The following PPP3CA variants were observed in gnomAD, a reference collection of about 807,000 sequenced individuals.
PPP3CA encodes the protein CAM-PRP catalytic subunit.
In PPP3CA, 14 loss-of-function variants were observed where a neutral mutation model predicts 66.5. The ratio of observed to expected loss-of-function variants is 0.21; its 90% CI spans 0.14 to 0.33. The LOEUF (loss-of-function observed/expected upper bound fraction) is 0.33. PPP3CA is among the 10% of genes least tolerant of loss of function. The pLI is 1.00. For synonymous variants in PPP3CA, 232 were observed against 226.2 expected (o/e 1.03, Z -0.23); for missense variants, 317 against 639.5 (o/e 0.50, Z 5.44).
chr4:101,328,600 T>G (rs553074308), intron 1 of PPP3CA, among the ~76,000 whole-genome samples: 1 of 152,340 alleles, frequency 6.6e-6, no homozygotes, highest in African/African-American at 2.4e-5. Context: ...TATTGTGTTT[T>G]GCCTCACTGC....
chr4:101,272,606 C>T (rs1727369356), intron 1 of PPP3CA, among the ~76,000 whole-genome samples: 1 of 152,162 alleles, frequency 6.6e-6, no homozygotes, highest in Non-Finnish European at 1.5e-5. Context: ...GTCAGACAAC[C>T]TCAGTTCCTC....
intron 6 of PPP3CA, among the ~76,000 whole-genome samples, chr4:101,086,260 AT>A (rs1251845476): frequency 1.3e-5 from 2 of 152,156 alleles, no homozygotes; most frequent in Non-Finnish European, 2.9e-5. Flanking sequence ...ACGTATGCAG[AT>A]TGGTAGATAG....
chr4:101,178,834 T>C (rs1724146166), intron 2 of PPP3CA, among the ~76,000 whole-genome samples: 1 of 152,092 alleles, frequency 6.6e-6, no homozygotes, highest in Non-Finnish European at 1.5e-5. Flanking sequence ...AATGGAAGTG[T>C]TACTATTGCC....
intron 2 of PPP3CA, among the ~76,000 whole-genome samples, chr4:101,179,272 C>T (rs887765260): frequency 6.6e-6 from 1 of 151,458 alleles, no homozygotes; most frequent in South Asian, 2.1e-4. Context: ...AGAACTGAGC[C>T]TAGATTTCAT....
chr4:101,042,854 G>C (rs1203345594), intron 10 of PPP3CA, among the ~76,000 whole-genome samples: 2 of 148,498 alleles, frequency 1.3e-5, no homozygotes, highest in Non-Finnish European at 3.0e-5. Context: ...CCCTTAGGGT[G>C]GTCTTCCTAT....
chr4:101,111,478 G>A (rs1172050847), intron 2 of PPP3CA, among the ~76,000 whole-genome samples: 1 of 152,076 alleles, frequency 6.6e-6, no homozygotes, highest in African/African-American at 2.4e-5. Flanking sequence ...CCAAGTGAGG[G>A]GCTAAGACAT....
intron 1 of PPP3CA, among the ~76,000 whole-genome samples, chr4:101,338,777 C>T (rs1729717253): frequency 6.6e-6 from 1 of 152,170 alleles, no homozygotes; most frequent in Non-Finnish European, 1.5e-5. Flanking sequence ...TCAGGCCCAG[C>T]AGAACAGGAA....
intron 1 of PPP3CA, among the ~76,000 whole-genome samples, chr4:101,261,823 TAC>T (rs1032393909): frequency 1.3e-5 from 2 of 151,824 alleles, no homozygotes; most frequent in African/African-American, 2.4e-5. Flanking sequence ...TAAAAAAACT[TAC>T]AGTCAATGTG....
At chr4:101,248,468 T>C (rs1726561977) in intron 1 of PPP3CA, among the ~76,000 whole-genome samples, 2 of 152,116 alleles carry the variant, frequency 1.3e-5, no homozygotes. Flanking sequence ...CACATTCTCA[T>C]CTCTAAAATA....
chr4:101,145,869 C>T (rs1722953051), intron 2 of PPP3CA, among the ~76,000 whole-genome samples: 1 of 152,078 alleles, frequency 6.6e-6, no homozygotes, highest in Admixed American at 6.5e-5. Flanking sequence ...ATTAAAGATT[C>T]TGGCTTTAAT....
chr4:101,154,244 C>T (rs1422282572), intron 2 of PPP3CA, among the ~76,000 whole-genome samples: 1 of 152,118 alleles, frequency 6.6e-6, no homozygotes. Flanking sequence ...AACAAGTTTA[C>T]CACCATGAAA....
At chr4:101,197,629 T>C (rs188840511) in intron 1 of PPP3CA, among the ~76,000 whole-genome samples, 19 of 152,354 alleles carry the variant, frequency 1.2e-4, no homozygotes, top group Admixed American at 1.2e-3. Context: ...GTAACAGTAG[T>C]AGCTAATATT....
intron 1 of PPP3CA, among the ~76,000 whole-genome samples, chr4:101,320,532 T>C (rs1037405829): frequency 2.0e-5 from 3 of 151,868 alleles, no homozygotes; most frequent in Non-Finnish European, 4.4e-5. Flanking sequence ...AATATGTCAA[T>C]GTTTCCTCCA....
At chr4:101,323,101 C>T (rs1729092666) in intron 1 of PPP3CA, among the ~76,000 whole-genome samples, 1 of 152,138 alleles carries the variant, frequency 6.6e-6, no homozygotes, top group Non-Finnish European at 1.5e-5. Flanking sequence ...ATGCACTGGG[C>T]TAACATGTAG....
At chr4:101,195,463 A>C (rs530132539) in intron 2 of PPP3CA, among the ~76,000 whole-genome samples, 5 of 152,042 alleles carry the variant, frequency 3.3e-5, no homozygotes, top group Non-Finnish European at 7.4e-5. Flanking sequence ...GGGGCCTAAG[A>C]ATGCATATTT....
At chr4:101,080,676 A>T (rs1578427642) in intron 7 of PPP3CA, 50 bp from the exon 8 acceptor site, 4 of 1,125,536 alleles carry the variant, frequency 3.6e-6, no homozygotes, top group Non-Finnish European at 5.0e-6. Context: ...AAAAAAGATA[A>T]TATCAAATCA....
chr4:101,029,956 A>T (rs568252395), intron 12 of PPP3CA, among the ~76,000 whole-genome samples: 3 of 152,164 alleles, frequency 2.0e-5, no homozygotes, highest in Admixed American at 2.0e-4. Flanking sequence ...TTAAAATGTT[A>T]CAAATCAAGT....
intron 3 of PPP3CA, among the ~76,000 whole-genome samples, chr4:101,107,531 CCTT>C (rs1313504609): frequency 6.6e-6 from 1 of 152,198 alleles, no homozygotes; most frequent in Non-Finnish European, 1.5e-5. Context: ...CATCACCACT[CCTT>C]CTTCCCTCAT....
chr4:101,344,026 T>C (rs1413933417), intron 1 of PPP3CA, among the ~76,000 whole-genome samples: 1 of 152,098 alleles, frequency 6.6e-6, no homozygotes, highest in African/African-American at 2.4e-5. Flanking sequence ...TAGTAAATAA[T>C]ACTACACATA....
Sources: allele counts gnomAD v4.1 joint callset (sites outside exome capture counted in the v4.1 genomes callset), GRCh38; gene constraint gnomAD v4.1.1; transcripts MANE v1.5; gene names NCBI Gene and HGNC (gene_info 2026-07-23, HGNC 2026-07-21).